The following GPNMB variants were observed in gnomAD, a reference collection of about 807,000 sequenced individuals.
The protein encoded by GPNMB is glycoprotein nmb.
Under a neutral mutation model 57.3 loss-of-function variants are expected in GPNMB, and 71 were observed. The ratio of observed to expected loss-of-function variants is 1.24; its 90% CI spans 1.02 to 1.51. GPNMB has a LOEUF of 1.51. GPNMB is among the 40% of genes most tolerant of loss of function. The pLI, the probability that GPNMB is intolerant of heterozygous loss-of-function variation, is 0.00. For synonymous variants in GPNMB, 253 were observed against 263.2 expected (o/e 0.96, Z 0.38); for missense variants, 677 against 691.9 (o/e 0.98, Z 0.24).
At chr7:23,251,605 C>G (rs1236882996) in intron 1 of GPNMB, among the ~76,000 whole-genome samples, 2 of 152,148 alleles carry the variant, frequency 1.3e-5, no homozygotes, top group Non-Finnish European at 2.9e-5. Flanking sequence ...TAGCTGTTTC[C>G]TCAGATTTGT....
At chr7:23,268,161 A>C (rs1207528294) in intron 8 of GPNMB, among the ~76,000 whole-genome samples, 173 bp downstream of exon 8, 1 of 152,260 alleles carries the variant, frequency 6.6e-6, no homozygotes, top group East Asian at 1.9e-4. Flanking sequence ...GCTATCAAGC[A>C]CACACATGTT....
intron 2 of GPNMB, among the ~76,000 whole-genome samples, chr7:23,253,682 C>G (rs1304194193): frequency 1.3e-5 from 2 of 152,146 alleles, no homozygotes; most frequent in East Asian, 3.8e-4. Flanking sequence ...ATTGGTAGCT[C>G]TTGGAATACT....
chr7:23,256,163 C>T (rs1418151388), intron 3 of GPNMB, among the ~76,000 whole-genome samples: 4 of 152,182 alleles, frequency 2.6e-5, no homozygotes, highest in African/African-American at 9.7e-5. Flanking sequence ...ATCTCGGCCT[C>T]CCAAAGTGCT....
rs939481980 is a variant in GPNMB at position 23,268,688 on chromosome 7, G to T, written c.1220+700G>T. ...TACATAAATTAATCAGGAGAATGAA[G>T]TGGTATGAAGATGTGGCCTTATTTG... is the stretch of plus-strand genomic sequence containing the variant. On this transcript the variant is annotated intron_variant, in intron 8 of 10. Transcript: ENST00000258733. 2.6e-5 allele frequency among the ~76,000 whole-genome samples: 4 copies of T among 151,644 alleles called. 1 individual carries two copies. Among genetic ancestry groups the T allele is most frequent in the South Asian group, 4.2e-4 (2 of 4,798 alleles).
intron 9 of GPNMB, among the ~76,000 whole-genome samples, chr7:23,272,122 C>T (rs1783221980): frequency 6.6e-6 from 1 of 152,192 alleles, no homozygotes; most frequent in Non-Finnish European, 1.5e-5. Flanking sequence ...CCATCAGAAG[C>T]TGCTAATGTT....
Position 23,273,615 on chromosome 7 carries a change from G to GT in GPNMB, c.1523+2dup. On this transcript the variant is annotated splice_donor_variant, in intron 10 of 10. Coordinates refer to ENST00000258733, the MANE Select transcript of GPNMB (RefSeq NM_002510.3). LOFTEE classifies it high-confidence loss of function. ...CTGTGATCTCCCTCTTGGTGTACAA[G>GT]TAAGTTTTTGGTTCCTACGCTTTAT... 6.3e-7 allele frequency: 1 copy of GT among 1,593,622 alleles called. No individual in the cohort carries two copies. The highest frequency in any genetic ancestry group is 1.1e-5 in the South Asian group (1 of 90,706).
At chr7:23,250,300 C>T (rs754171312) in intron 1 of GPNMB, among the ~76,000 whole-genome samples, 18 of 152,058 alleles carry the variant, frequency 1.2e-4, no homozygotes, top group African/African-American at 3.6e-4. Flanking sequence ...TTTCCTGTTA[C>T]GGGTTGTGTT....
chr7:23,260,018 G>A lies in GPNMB; in HGVS notation c.580G>A (p.Val194Ile), dbSNP rs747797044. The A allele has an allele frequency of 2.5e-6, 4 of 1,614,138 alleles. No individual in the cohort carries two copies. In the South Asian group the frequency reaches 3.3e-5, roughly 13 times the overall value. Residue 194 changes from valine to isoleucine, a missense_variant, in exon 5 of 11, where the codon GTT becomes ATT. Coordinates refer to ENST00000258733, the MANE Select transcript of GPNMB (RefSeq NM_002510.3). ...GAAATTGGGACGATGTTCAGTGAGA[G>A]TTTCTGTGAACACAGCCAATGTGAC... ...FQKLGRCSVR[V>I]SVNTANVTLG...
At chr7:23,265,427 G>C (rs1012182958) in intron 6 of GPNMB, among the ~76,000 whole-genome samples, 2 of 152,142 alleles carry the variant, frequency 1.3e-5, no homozygotes, top group Admixed American at 1.3e-4. Context: ...CTTGCTAAAG[G>C]AGCAGCGATG....
intron 2 of GPNMB, 150 bp downstream of exon 2, chr7:23,253,609 T>G (rs1424736575): frequency 1.6e-6 from 1 of 627,552 alleles, no homozygotes; most frequent in African/African-American, 1.9e-5. Context: ...GACTTGGCAA[T>G]ATTTTCTTTA....
At chr7:23,252,896 T>C (rs917269150) in intron 1 of GPNMB, among the ~76,000 whole-genome samples, 1 of 152,182 alleles carries the variant, frequency 6.6e-6, no homozygotes, top group East Asian at 1.9e-4. Flanking sequence ...TCGCTTGGAA[T>C]CTTGAAGGCA....
At chr7:23,258,090 T>G (rs1782825049) in intron 4 of GPNMB, 1 of 152,222 alleles carries the variant, frequency 6.6e-6, no homozygotes, top group South Asian at 2.1e-4. Context: ...GTATTCATTT[T>G]GTTGTATTAT....
intron 6 of GPNMB, among the ~76,000 whole-genome samples, chr7:23,265,114 T>C (rs1783026121): frequency 6.6e-6 from 1 of 152,228 alleles, no homozygotes; most frequent in Non-Finnish European, 1.5e-5. Flanking sequence ...TTCTGGCCTT[T>C]ACCTGAGCAG....
rs34016955 is a variant in GPNMB at position 23,270,081 on chromosome 7, C to T, written c.1335C>T (p.Thr445=). 4 of 1,613,930 alleles carry T rather than the reference C, an allele frequency of 2.5e-6. No individual in the cohort carries two copies. Among genetic ancestry groups the T allele is most frequent in the African/African-American group, 1.3e-5 (1 of 74,880 alleles). ...DEMCLLTVRR[T]FNGSGTYCVN... is the part of the protein sequence containing the mutation. ...TGTGTCTGCTGACTGTGAGACGAAC[C>T]TTCAATGGGTCTGGGACGTACTGTG... is the stretch of plus-strand genomic sequence containing the variant. The change falls in exon 9 of 11, where the codon ACC becomes ACT. Residue 445 remains threonine (T), a synonymous_variant. Coordinates refer to ENST00000258733, the MANE Select transcript of GPNMB (RefSeq NM_002510.3).
chr7:23,257,162 A>T, intron 4 of GPNMB, 97 bp downstream of exon 4: 1 of 1,033,044 alleles, frequency 9.7e-7, no homozygotes, highest in East Asian at 2.4e-5. Flanking sequence ...TAACACAGAG[A>T]GTTAATAACA....
At chr7:23,263,031 G>C (rs1782967587) in intron 6 of GPNMB, among the ~76,000 whole-genome samples, 2 of 151,240 alleles carry the variant, frequency 1.3e-5, no homozygotes, top group Non-Finnish European at 2.9e-5. Context: ...TTTAGGAGAA[G>C]CAATTTTTTT....
At chr7:23,257,144 G>A in intron 4 of GPNMB, 79 bp downstream of exon 4, 1 of 1,219,130 alleles carries the variant, frequency 8.2e-7, no homozygotes, top group Non-Finnish European at 1.2e-6. Context: ...CTCTATAATT[G>A]AGAATGATAA....
In GPNMB at chr7:23,260,497, C is replaced by T. The variant is rs181468473; in HGVS notation, c.742C>T (p.Arg248Ter). Reference protein sequence around the residue: ...VFVTMFQKNDRNSSDETFLKD... With the variant: ...VFVTMFQKND ...TGTGACTATGTTCCAGAAGAACGATCGAAATTCATCCGACGAAACCTTCCT... is the reference window on the plus strand; with the variant it reads ...TGTGACTATGTTCCAGAAGAACGATTGAAATTCATCCGACGAAACCTTCCT... Residue 248 changes from arginine (R) to a stop codon, truncating the protein, a stop_gained, in exon 6 of 11, where the codon CGA becomes TGA. Coordinates refer to ENST00000258733, the MANE Select transcript of GPNMB (RefSeq NM_002510.3). LOFTEE classifies it high-confidence loss of function. 25 of 1,613,690 alleles carry T rather than the reference C, an allele frequency of 1.5e-5. No individual in the cohort carries two copies. The highest frequency in any genetic ancestry group is 1.7e-4 in the Middle Eastern group (1 of 6,060).
chr7:23,258,890 C>T (rs997976355), intron 4 of GPNMB, among the ~76,000 whole-genome samples: 3 of 152,228 alleles, frequency 2.0e-5, no homozygotes, highest in African/African-American at 4.8e-5. Flanking sequence ...TGAAACAACC[C>T]GGTCTCAAAA....
Sources: gnomAD v4.1 joint callset for allele counts (sites outside exome capture counted in the v4.1 genomes callset) on GRCh38, gnomAD v4.1.1 for gene constraint, MANE v1.5 for transcripts, NCBI Gene and HGNC (gene_info 2026-07-23, HGNC 2026-07-21) for gene names.